Variants in CNN3 observed in about 807,000 individuals in gnomAD.
CNN3 encodes the protein calponin-3.
In CNN3, 11 loss-of-function variants were observed where a neutral mutation model predicts 39.0. The observed-to-expected ratio is 0.28, with a 90% CI of 0.18 to 0.47. The LOEUF is 0.47. CNN3 is among the 20% of genes least tolerant of loss of function. The pLI is 0.99. For synonymous variants in CNN3, 101 were observed against 138.3 expected (o/e 0.73, Z 1.89); for missense variants, 266 against 403.4 (o/e 0.66, Z 2.92).
At chr1:94,917,100 G>A (rs1047602485) in intron 1 of CNN3, among the ~76,000 whole-genome samples, 11 of 152,154 alleles carry the variant, frequency 7.2e-5, no homozygotes, top group Admixed American at 2.0e-4. Flanking sequence ...GCAATGGCGC[G>A]ATCTTGGCTC....
chr1:94,920,434 A>C (rs1439895018), intron 1 of CNN3, among the ~76,000 whole-genome samples: 1 of 152,248 alleles, frequency 6.6e-6, no homozygotes, highest in Non-Finnish European at 1.5e-5. Flanking sequence ...GAGAAAAAGC[A>C]GCTCAGAACA....
chr1:94,925,706 C>T, intron 1 of CNN3: 1 of 985,504 alleles, frequency 1.0e-6, no homozygotes, highest in South Asian at 4.7e-5. Flanking sequence ...ATGCCAGTGC[C>T]TTCCACCAGC....
At position 94,899,391 on chromosome 1, in the gene CNN3, T is replaced by C; in HGVS notation, c.628A>G (p.Thr210Ala). The C allele has an allele frequency of 1.2e-6, 2 of 1,613,856 alleles. No individual in the cohort carries two copies. Among genetic ancestry groups the C allele is most frequent in the Non-Finnish European group, 1.7e-6 (2 of 1,179,920 alleles). ...DQTTISLQMG[T>A]NKGASQAGML... ...CTTACCTGGCTGGCTCCTTTATTAG[T>C]GCCCATCTGCAGACTAATTGTGGTC... The change falls in exon 6 of 7, where the codon ACT (threonine) becomes GCT (alanine). Residue 210 changes from threonine (T) to alanine (A), a missense_variant. Coordinates refer to ENST00000370206, the MANE Select transcript of CNN3 (RefSeq NM_001839.5).
chr1:94,921,242 A>G (rs115789943), intron 1 of CNN3, among the ~76,000 whole-genome samples: 4,811 of 152,212 alleles, frequency 0.032, 114 homozygotes, highest in South Asian at 0.051. Flanking sequence ...TAAGAATACA[A>G]AAATTAGTCA....
At position 94,897,766 on chromosome 1, in the gene CNN3, A is replaced by G; in HGVS notation, c.966T>C (p.Tyr322=). 5.0e-6 allele frequency: 8 copies of G among 1,614,072 alleles called. No individual in the cohort carries two copies. Among genetic ancestry groups the G allele is most frequent in the Non-Finnish European group, 6.8e-6 (8 of 1,179,934 alleles). Residue 322 remains tyrosine (Y), a synonymous_variant, in exon 7 of 7, where the codon TAT becomes TAC. Coordinates refer to ENST00000370206, the MANE Select transcript of CNN3 (RefSeq NM_001839.5). ...TCTAATAATCAATGCCTTGGTCGCT[A>G]TATTGGTAATCTCTGGGGTAGTCAT... ...YQDDYPRDYQ[Y]SDQGIDY
intron 1 of CNN3, among the ~76,000 whole-genome samples, chr1:94,924,725 A>G (rs1259959404): frequency 6.6e-6 from 1 of 152,236 alleles, no homozygotes; most frequent in Non-Finnish European, 1.5e-5. Flanking sequence ...TTTAGAGTTA[A>G]AATTCTTAGA....
At position 94,902,244 on chromosome 1, in the gene CNN3, G is replaced by T. The variant is rs1337989039; in HGVS notation, c.261C>A (p.Gly87=). Residue 87 remains glycine (G), a synonymous_variant, in exon 4 of 7, where the codon GGC becomes GGA. Coordinates refer to ENST00000370206, the MANE Select transcript of CNN3 (RefSeq NM_001839.5). Reference sequence around the variant, plus strand: ...AAGCCTGAATAGCTTTAATAAAGTTGCCAATATTCTCCAACTATAAAGAAG... The same window carrying T: ...AAGCCTGAATAGCTTTAATAAAGTTTCCAATATTCTCCAACTATAAAGAAG... ...SLNWPQLENI[G]NFIKAIQAYG... The T allele has an allele frequency of 6.2e-7, 1 of 1,611,474 alleles. No individual in the cohort carries two copies. Among genetic ancestry groups the T allele is most frequent in the Non-Finnish European group, 8.5e-7 (1 of 1,178,234 alleles).
intron 1 of CNN3, among the ~76,000 whole-genome samples, chr1:94,916,185 G>A (rs768256407): frequency 6.6e-6 from 1 of 152,014 alleles, no homozygotes; most frequent in East Asian, 1.9e-4. Context: ...CTCTACCGAC[G>A]ATCTCTCAAA....
intron 1 of CNN3, among the ~76,000 whole-genome samples, chr1:94,918,746 T>G (rs547470955): frequency 2.6e-5 from 4 of 151,736 alleles, no homozygotes; most frequent in African/African-American, 9.7e-5. Context: ...ATACAAAAAT[T>G]AGCTGGGCAT....
Position 94,926,693 on chromosome 1 carries a change from C to A in CNN3, c.57+145G>T. On this transcript the variant is annotated intron_variant, in intron 1 of 6. Coordinates refer to ENST00000370206, the MANE Select transcript of CNN3 (RefSeq NM_001839.5). This position sits in a 1 kb window ranked among gnomAD's most constrained non-coding sequence, Gnocchi z 4.2. ...GCCCGGGGACTGGACGCGACCGGGA[C>A]AGGCAGAGACGCTCGCGCCGCCTCG... is the stretch of plus-strand genomic sequence containing the variant. The A allele has an allele frequency of 1.1e-6, 1 of 900,696 alleles. No individual in the cohort carries two copies. Among genetic ancestry groups the A allele is most frequent in the East Asian group, 2.9e-5 (1 of 34,832 alleles). 55.8% of individuals were successfully genotyped at this position (900,696 alleles called of 1,614,324 possible). A position where few individuals can be genotyped will look rare whatever the true frequency, so the allele number is the denominator to read the frequency against.
intron 1 of CNN3, 114 bp from the exon 2 acceptor site, chr1:94,903,638 A>G: frequency 2.1e-6 from 3 of 1,400,134 alleles, no homozygotes; most frequent in Non-Finnish European, 2.9e-6. Flanking sequence ...GAAGTGTAGT[A>G]AATGACACTC....
intron 1 of CNN3, among the ~76,000 whole-genome samples, chr1:94,907,821 C>G (rs1305366217): frequency 6.6e-6 from 1 of 152,224 alleles, no homozygotes; most frequent in Non-Finnish European, 1.5e-5. Context: ...GATGGTGCCA[C>G]TGCACTGCAG....
rs1670770123 is a variant in CNN3, at chr1:94,898,067, G to C, written c.665C>G (p.Pro222Arg). Residue 222 changes from proline (P) to arginine (R), a missense_variant, in exon 7 of 7, where the codon CCA becomes CGA. By Grantham distance (103) the Pro-to-Arg change is moderately radical. Transcript: ENST00000370206. ...KGASQAGMLAPGTRRDIYDQK... is the reference protein window; with the variant it reads ...KGASQAGMLARGTRRDIYDQK... Reference sequence around the variant, plus strand: ...ATCATAGATGTCTCTTCTGGTACCTGGTGCTAACATCCCTGCCTGGTATTA... The same window carrying C: ...ATCATAGATGTCTCTTCTGGTACCTCGTGCTAACATCCCTGCCTGGTATTA... 1.9e-6 allele frequency: 3 copies of C among 1,613,506 alleles called. No homozygotes were observed. Among genetic ancestry groups the C allele is most frequent in the Non-Finnish European group, 2.5e-6 (3 of 1,179,722 alleles).
At chr1:94,902,773 TGTTA>T (rs1184174156) in intron 3 of CNN3, among the ~76,000 whole-genome samples, 5 of 152,142 alleles carry the variant, frequency 3.3e-5, no homozygotes, top group Non-Finnish European at 2.9e-5. Context: ...TGCAGTCCAC[TGTTA>T]GTTATGTGGA....
At chr1:94,901,573 T>G in intron 5 of CNN3, 96 bp downstream of exon 5, 2 of 771,928 alleles carry the variant, frequency 2.6e-6, no homozygotes, top group East Asian at 2.7e-5. Context: ...AGTACTATAG[T>G]ACTTCTGTCT....
chr1:94,903,804 C>T (rs773603977), intron 1 of CNN3, among the ~76,000 whole-genome samples: 1 of 152,112 alleles, frequency 6.6e-6, no homozygotes, highest in Non-Finnish European at 1.5e-5. Flanking sequence ...TTTCATGATC[C>T]ACAGGAAGTG....
At chr1:94,912,551 A>C (rs1052319948) in intron 1 of CNN3, among the ~76,000 whole-genome samples, 21 of 152,180 alleles carry the variant, frequency 1.4e-4, no homozygotes, top group Admixed American at 9.8e-4. Context: ...GCATGGACAC[A>C]CAAGGCATGT....
At chr1:94,904,749 G>T (rs1055892416) in intron 1 of CNN3, among the ~76,000 whole-genome samples, 3 of 136,676 alleles carry the variant, frequency 2.2e-5, no homozygotes, top group Non-Finnish European at 4.6e-5. Flanking sequence ...CCTGTCTCCC[G>T]CCCCACTGCC....
intron 2 of CNN3, 23 bp from the exon 3 acceptor site, chr1:94,903,211 C>G (rs781734730): frequency 6.2e-7 from 1 of 1,603,840 alleles, no homozygotes; most frequent in Non-Finnish European, 8.5e-7. Context: ...ATATGAGAGA[C>G]ATCTTATTTA....
Sources: gnomAD v4.1 joint callset for allele counts (sites outside exome capture counted in the v4.1 genomes callset) on GRCh38, gnomAD v4.1.1 for gene constraint, Gnocchi (gnomAD v3.1) non-coding constraint, MANE v1.5 for transcripts, NCBI Gene and HGNC (gene_info 2026-07-23, HGNC 2026-07-21) for gene names.